The following CDC42EP4 variants were observed in gnomAD, a reference collection of about 807,000 sequenced individuals.
CDC42EP4 encodes the protein CDC42 effector protein (Rho GTPase binding) 4.
In CDC42EP4, 6 loss-of-function variants were observed where a neutral mutation model predicts 5.6. The ratio of observed to expected loss-of-function variants is 1.07; its 90% CI spans 0.59 to 2.12. CDC42EP4 has a LOEUF of 2.12. CDC42EP4 is among the 30% of genes most tolerant of loss of function. CDC42EP4 has a pLI of 0.00. For missense variants in CDC42EP4, 490 were observed against 508.6 expected (o/e 0.96, Z 0.35); for synonymous variants, 230 against 224.2 (o/e 1.03, Z -0.23).
intron 1 of CDC42EP4, among the ~76,000 whole-genome samples, chr17:73,298,319 C>G (rs78484494): frequency 0.017 from 2,546 of 152,272 alleles, 39 homozygotes; most frequent in South Asian, 0.064. Flanking sequence ...ACAGGGAGAT[C>G]GGGACCCTCT....
rs149421063 is a variant in CDC42EP4, at chr17:73,285,727, C to A, written c.774G>T (p.Ala258=). The change falls in exon 2 of 2, where the codon GCG becomes GCT. Residue 258 remains alanine (A), a synonymous_variant. Coordinates refer to ENST00000335793, the MANE Select transcript of CDC42EP4 (RefSeq NM_012121.5). The surrounding 1 kb of genome is among the most constrained non-coding windows in gnomAD (Gnocchi z 6.8). ...TITQAPPYAV[A]APPLARQEGK... Reference sequence around the variant, plus strand: ...CTTCCTGCCTTGCCAGGGGAGGGGCCGCCACGGCGTACGGGGGAGCCTGGG... The same window carrying A: ...CTTCCTGCCTTGCCAGGGGAGGGGCAGCCACGGCGTACGGGGGAGCCTGGG... 1 of 1,575,672 alleles carries A rather than the reference C, an allele frequency of 6.3e-7. No homozygotes were observed. The highest frequency in any genetic ancestry group is 1.7e-5 in the Admixed American group (1 of 58,006).
chr17:73,306,219 G>A (rs983493833), intron 1 of CDC42EP4, among the ~76,000 whole-genome samples: 2 of 152,034 alleles, frequency 1.3e-5, no homozygotes, highest in African/African-American at 4.8e-5. Context: ...GCCAGGCACC[G>A]TGGCTCATGC....
intron 1 of CDC42EP4, among the ~76,000 whole-genome samples, chr17:73,308,310 A>G (rs759939908): frequency 2.6e-5 from 4 of 152,176 alleles, no homozygotes; most frequent in Non-Finnish European, 5.9e-5. Flanking sequence ...CAGAAGAGCT[A>G]CGCAGAGCTC....
chr17:73,299,222 G>C (rs1411853063), intron 1 of CDC42EP4, among the ~76,000 whole-genome samples: 1 of 151,890 alleles, frequency 6.6e-6, no homozygotes, highest in Non-Finnish European at 1.5e-5. Context: ...AGGAGATCGA[G>C]GCCATCCTGG....
chr17:73,309,055 A>AAAAAAAAAAAAC (rs1165771237), intron 1 of CDC42EP4, among the ~76,000 whole-genome samples: 2 of 148,650 alleles, frequency 1.3e-5, no homozygotes, highest in African/African-American at 2.5e-5. Context: ...AAAAAAAAAA[A>AAAAAAAAAAAAC]AAAGGGTTGG....
intron 1 of CDC42EP4, among the ~76,000 whole-genome samples, chr17:73,303,806 C>T (rs1025764387): frequency 2.2e-4 from 34 of 152,276 alleles, no homozygotes; most frequent in African/African-American, 7.2e-4. Context: ...TCATCCTGCT[C>T]ACTGTGATTT....
chr17:73,291,523 C>T (rs1166678815), intron 1 of CDC42EP4, among the ~76,000 whole-genome samples: 1 of 152,150 alleles, frequency 6.6e-6, no homozygotes, highest in East Asian at 1.9e-4. Context: ...GTGGGAGTCT[C>T]GCCAGAGGCC....
chr17:73,303,662 CA>C (rs542149787), intron 1 of CDC42EP4, among the ~76,000 whole-genome samples: 2,083 of 83,852 alleles, frequency 0.025, 10 homozygotes, highest in African/African-American at 0.05. Flanking sequence ...ACTCTGTCTC[CA>C]AAAAAAAAAA....
chr17:73,304,575 G>A (rs922438163), intron 1 of CDC42EP4, among the ~76,000 whole-genome samples: 1 of 149,154 alleles, frequency 6.7e-6, no homozygotes, highest in Non-Finnish European at 1.5e-5. Context: ...AGTCACACAC[G>A]GTTGGTTAGG....
In CDC42EP4 at chr17:73,284,239, G is replaced by C. The variant is rs566867135; in HGVS notation, c.*1191C>G. On this transcript the variant is annotated 3_prime_UTR_variant, in exon 2 of 2. Transcript: ENST00000335793. Reference sequence around the variant, plus strand: ...AACCCTGGCCTCAAAAGTCGGTGGGGGGAGGCCTGAGAAAAGAAAGGGAAG... The same window carrying C: ...AACCCTGGCCTCAAAAGTCGGTGGGCGGAGGCCTGAGAAAAGAAAGGGAAG... 6.6e-6 allele frequency: 1 copy of C among 152,220 alleles called. No individual in the cohort carries two copies. Among genetic ancestry groups the C allele is most frequent in the East Asian group, 1.9e-4 (1 of 5,186 alleles). The allele number at this position is 152,220 out of a possible 1,614,324, so 9.4% of individuals were successfully genotyped here. A position where few individuals can be genotyped will look rare whatever the true frequency, so the allele number is the denominator to read the frequency against.
chr17:73,294,118 A>C (rs907814753), intron 1 of CDC42EP4, among the ~76,000 whole-genome samples: 2 of 152,158 alleles, frequency 1.3e-5, no homozygotes, highest in African/African-American at 4.8e-5. Flanking sequence ...TGGGAGGCTG[A>C]GGCGGGTGGA....
intron 1 of CDC42EP4, among the ~76,000 whole-genome samples, chr17:73,307,580 T>C (rs1387789974): frequency 6.6e-6 from 1 of 151,646 alleles, no homozygotes; most frequent in Non-Finnish European, 1.5e-5. Flanking sequence ...CCCAAGTAGC[T>C]GGGACTACAG....
In CDC42EP4 at chr17:73,286,677, TGCCAGGG is replaced by T; in HGVS notation, c.-112-72_-112-66del. On this transcript the variant is annotated intron_variant, in intron 1 of 1. Coordinates refer to ENST00000335793, the MANE Select transcript of CDC42EP4 (RefSeq NM_012121.5). This position sits in a 1 kb window ranked among gnomAD's most constrained non-coding sequence, Gnocchi z 7.7. ...TGGCCACACGGCACAAAAGCCTCTTTGCCAGGGGACTGTCATTTAAACCCCAGCGCTC... is the reference window on the plus strand; with the variant it reads ...TGGCCACACGGCACAAAAGCCTCTTTGACTGTCATTTAAACCCCAGCGCTC... The T allele has an allele frequency of 1.7e-6, 1 of 590,178 alleles. No individual in the cohort carries two copies. Among genetic ancestry groups the T allele is most frequent in the Non-Finnish European group, 3.0e-6 (1 of 333,770 alleles). The allele number at this position is 590,178 out of a possible 1,614,324, so 36.6% of individuals were successfully genotyped here. A position where few individuals can be genotyped will look rare whatever the true frequency, so the allele number is the denominator to read the frequency against.
intron 1 of CDC42EP4, among the ~76,000 whole-genome samples, chr17:73,301,555 A>G (rs190623117): frequency 3.3e-5 from 5 of 152,238 alleles, no homozygotes. Flanking sequence ...AACCTTAACT[A>G]TTTCCAGATG....
Position 73,285,154 on chromosome 17 carries a change from A to C in CDC42EP4, c.*276T>G. The C allele has an allele frequency of 6.9e-6, 2 of 289,196 alleles. No homozygotes were observed. Among genetic ancestry groups the C allele is most frequent in the Non-Finnish European group, 6.4e-6 (1 of 155,264 alleles). 17.9% of individuals were successfully genotyped at this position (289,196 alleles called of 1,614,324 possible). ...GGAGGAAAGGGAGGCCAACAGAGGA[A>C]AACCTATTCCTGCTGTGACAACACA... On this transcript the variant is annotated 3_prime_UTR_variant, in exon 2 of 2. Transcript: ENST00000335793. The surrounding 1 kb of genome is among the most constrained non-coding windows in gnomAD (Gnocchi z 6.8).
At chr17:73,289,011 C>A (rs897546923) in intron 1 of CDC42EP4, among the ~76,000 whole-genome samples, 4 of 152,192 alleles carry the variant, frequency 2.6e-5, no homozygotes, top group African/African-American at 9.7e-5. Flanking sequence ...GGAAAGTGAC[C>A]TTCCCCTAAC....
intron 1 of CDC42EP4, among the ~76,000 whole-genome samples, chr17:73,296,977 T>C (rs1599435299): frequency 1.1e-4 from 1 of 9,168 alleles, no homozygotes; most frequent in Non-Finnish European, 2.3e-4. Context: ...CAAGACTCCG[T>C]CTCAAAAAAA....
intron 1 of CDC42EP4, among the ~76,000 whole-genome samples, chr17:73,306,492 G>T (rs900406646): frequency 6.6e-6 from 1 of 152,084 alleles, no homozygotes; most frequent in East Asian, 1.9e-4. Flanking sequence ...ACAGCAAAAA[G>T]CCTGTCTCAA....
Position 73,285,975 on chromosome 17 carries a change from CAG to C in CDC42EP4, c.524_525del (p.Pro175ArgfsTer6). The C allele has an allele frequency of 6.2e-7, 1 of 1,613,618 alleles. No individual in the cohort carries two copies. Among genetic ancestry groups the C allele is most frequent in the Non-Finnish European group, 8.5e-7 (1 of 1,179,900 alleles). ...AAGGCCTGCTCATCGAGGAGGGGGTCAGGGGAATGTGGACCCGCGGCCCCATT... is the reference window on the plus strand; with the variant it reads ...AAGGCCTGCTCATCGAGGAGGGGGTCGGGAATGTGGACCCGCGGCCCCATT... ...RRNGAAGPHS[P>X]DPLLDEQAFG... On this transcript the variant is annotated frameshift_variant, in exon 2 of 2. Transcript: ENST00000335793. LOFTEE classifies it low-confidence loss of function (END_TRUNC). The surrounding 1 kb of genome is among the most constrained non-coding windows in gnomAD (Gnocchi z 6.8).
Sources: gnomAD v4.1 joint callset for allele counts (sites outside exome capture counted in the v4.1 genomes callset) on GRCh38, gnomAD v4.1.1 for gene constraint, Gnocchi (gnomAD v3.1) non-coding constraint, MANE v1.5 for transcripts, NCBI Gene and HGNC (gene_info 2026-07-23, HGNC 2026-07-21) for gene names.